Variants in TSGA10 observed in about 807,000 individuals in gnomAD.
The protein encoded by TSGA10 is testis-specific gene 10 protein.
Under a neutral mutation model 96.6 loss-of-function variants are expected in TSGA10, and 43 were observed. That is an observed-to-expected ratio of 0.44 (90% CI 0.35 to 0.57). TSGA10 has a LOEUF of 0.57. Ranked by LOEUF, TSGA10 falls within the 20% of genes least tolerant of loss-of-function variation. TSGA10 has a pLI of 0.01. For missense variants in TSGA10, 703 were observed against 834.4 expected (o/e 0.84, Z 1.94); for synonymous variants, 229 against 269.9 (o/e 0.85, Z 1.48).
chr2:99,099,478 A>G (rs1230299908), intron 10 of TSGA10, among the ~76,000 whole-genome samples: 1 of 152,228 alleles, frequency 6.6e-6, no homozygotes, highest in African/African-American at 2.4e-5. Context: ...TCTACCCTGT[A>G]AAGTTGGTTT....
Position 99,109,531 on chromosome 2 carries a change from T to G in TSGA10, c.-73-19A>C. On this transcript the variant is annotated intron_variant, in intron 5 of 20. Coordinates refer to ENST00000393483, the MANE Select transcript of TSGA10 (RefSeq NM_025244.4). ...ATCAAGTCTAGAAGGAGATTTATTT[T>G]GTGCTTTTTCAGTATCTAAAATTAT... The G allele has an allele frequency of 6.6e-7, 1 of 1,513,936 alleles. No homozygotes were observed. The highest frequency in any genetic ancestry group is 1.4e-5 in the South Asian group (1 of 72,284). 93.8% of individuals were successfully genotyped at this position (1,513,936 alleles called of 1,614,324 possible).
At chr2:99,113,360 G>A (rs936905791) in intron 4 of TSGA10, among the ~76,000 whole-genome samples, 1 of 152,152 alleles carries the variant, frequency 6.6e-6, no homozygotes, top group African/African-American at 2.4e-5. Context: ...CTCTTGGATT[G>A]TTGGCTGGGG....
chr2:98,998,351 CA>C, intron 20 of TSGA10, 130 bp from the exon 21 acceptor site: 1 of 701,806 alleles, frequency 1.4e-6, no homozygotes, highest in Middle Eastern at 4.0e-4. Flanking sequence ...TGAAGGAAAA[CA>C]AAAAACAATA....
chr2:99,091,347 A>C (rs1049933318), intron 10 of TSGA10, among the ~76,000 whole-genome samples: 4 of 152,160 alleles, frequency 2.6e-5, no homozygotes, highest in African/African-American at 9.6e-5. Flanking sequence ...GGACCTATAA[A>C]ACAACACAGT....
intron 20 of TSGA10, among the ~76,000 whole-genome samples, chr2:99,012,613 G>C (rs2079097754): frequency 6.6e-6 from 1 of 152,072 alleles, no homozygotes. Flanking sequence ...AAAAGGAATA[G>C]TCCAAAAGGA....
intron 1 of TSGA10, 57 bp downstream of exon 1, chr2:99,154,636 C>T (rs2093729664): frequency 5.3e-6 from 1 of 187,440 alleles, no homozygotes; most frequent in Non-Finnish European, 1.1e-5. Flanking sequence ...TCTGGGGGCT[C>T]CCCCTAAACT....
intron 1 of TSGA10, among the ~76,000 whole-genome samples, chr2:99,144,011 T>A (rs1358392403): frequency 7.9e-6 from 1 of 127,270 alleles, no homozygotes; most frequent in Non-Finnish European, 1.8e-5. Flanking sequence ...TCACTGATGC[T>A]GTGTTCCTTT....
intron 16 of TSGA10, among the ~76,000 whole-genome samples, chr2:99,058,684 A>T (rs1210965182): frequency 6.6e-6 from 1 of 152,186 alleles, no homozygotes; most frequent in East Asian, 1.9e-4. Flanking sequence ...TACAAATTTG[A>T]CAACTTAGAT....
intron 1 of TSGA10, among the ~76,000 whole-genome samples, chr2:99,129,327 C>A (rs2092965078): frequency 6.6e-6 from 1 of 152,172 alleles, no homozygotes; most frequent in Admixed American, 6.5e-5. Flanking sequence ...CATTAACCTG[C>A]ACAGTTATTT....
chr2:99,024,909 G>A (rs549894518), intron 17 of TSGA10, among the ~76,000 whole-genome samples: 1 of 152,118 alleles, frequency 6.6e-6, no homozygotes, highest in Non-Finnish European at 1.5e-5. Flanking sequence ...TGTGGTTTTC[G>A]TTCTTGATTC....
At chr2:99,109,122 G>A in intron 6 of TSGA10, 131 bp from the exon 7 acceptor site, 2 of 823,482 alleles carry the variant, frequency 2.4e-6, no homozygotes. Context: ...TAAAAAATAA[G>A]TTTAAAAACC....
chr2:99,110,159 CA>C (rs771626783), intron 5 of TSGA10, among the ~76,000 whole-genome samples: 14 of 152,092 alleles, frequency 9.2e-5, no homozygotes, highest in Non-Finnish European at 1.6e-4. Flanking sequence ...AGCAAGACTC[CA>C]TCTCAAAAGA....
intron 1 of TSGA10, among the ~76,000 whole-genome samples, chr2:99,144,960 C>T (rs983863392): frequency 2.6e-5 from 4 of 152,154 alleles, no homozygotes; most frequent in African/African-American, 4.8e-5. Context: ...TTGTTTGCTA[C>T]GGCTGTGCAA....
chr2:99,015,903 AAAAC>A (rs971935957), intron 20 of TSGA10, among the ~76,000 whole-genome samples: 22 of 152,284 alleles, frequency 1.4e-4, no homozygotes, highest in African/African-American at 3.4e-4. Context: ...ATGGCAGCAA[AAAAC>A]AAACAAACAA....
intron 10 of TSGA10, among the ~76,000 whole-genome samples, chr2:99,101,727 GA>G (rs2090761775): frequency 6.6e-6 from 1 of 152,160 alleles, no homozygotes; most frequent in African/African-American, 2.4e-5. Flanking sequence ...AAGAAAGGAG[GA>G]AATTCTGTCA....
At chr2:99,040,679 A>T (rs944792455) in intron 16 of TSGA10, among the ~76,000 whole-genome samples, 7 of 152,154 alleles carry the variant, frequency 4.6e-5, no homozygotes, top group Non-Finnish European at 1.0e-4. Flanking sequence ...TATTGTAAAA[A>T]TGAGCATACT....
Position 99,110,860 on chromosome 2 carries a change from C to T in TSGA10, c.-84G>A, listed in dbSNP as rs2091743250. On this transcript the variant is annotated 5_prime_UTR_variant, in exon 5 of 21. Transcript: ENST00000393483. ...GAAAAATGTACTTACAGATTTAAGC[C>T]TTTTTATTGTATCTTCCAATACTAT... The T allele has an allele frequency of 2.7e-6, 2 of 737,814 alleles. No individual in the cohort carries two copies. The highest frequency in any genetic ancestry group is 3.3e-6 in the Non-Finnish European group (2 of 604,106). 45.7% of individuals were successfully genotyped at this position (737,814 alleles called of 1,614,324 possible).
At chr2:99,021,857 A>G (rs941331591) in intron 17 of TSGA10, among the ~76,000 whole-genome samples, 5 of 152,224 alleles carry the variant, frequency 3.3e-5, no homozygotes, top group African/African-American at 1.2e-4. Flanking sequence ...TGAACATTAC[A>G]TTGGGCAATG....
intron 10 of TSGA10, 61 bp downstream of exon 10, chr2:99,103,906 T>C: frequency 1.9e-6 from 3 of 1,546,296 alleles, no homozygotes; most frequent in East Asian, 2.3e-5. Context: ...TAAAATACAC[T>C]ATAAAAAGCA....
Sources: allele counts gnomAD v4.1 joint callset (sites outside exome capture counted in the v4.1 genomes callset), GRCh38; gene constraint gnomAD v4.1.1; transcripts MANE v1.5; gene names NCBI Gene and HGNC (gene_info 2026-07-23, HGNC 2026-07-21).